The following MBP variants were observed in gnomAD, a reference collection of about 807,000 sequenced individuals.
MBP encodes the protein Golli-MBP.
In MBP, 16 loss-of-function variants were observed where a neutral mutation model predicts 35.8. The ratio of observed to expected loss-of-function variants is 0.45; its 90% CI spans 0.30 to 0.68. The LOEUF is 0.68. MBP is among the 30% of genes least tolerant of loss of function. The pLI is 0.08. For synonymous variants in MBP, 143 were observed against 159.6 expected, an observed-to-expected ratio of 0.90 and a Z score of 0.78; for missense variants, 380 against 404.7, an observed-to-expected ratio of 0.94 and a Z score of 0.52.
At chr18:77,100,833 G>A (rs185945878) in intron 2 of MBP, among the ~76,000 whole-genome samples, 2 of 152,194 alleles carry the variant, frequency 1.3e-5, no homozygotes, top group Admixed American at 1.3e-4. Context: ...GATTCCAGGT[G>A]TGGGCCACCG....
At chr18:76,984,716 T>A (rs1969435200) in intron 8 of MBP, 59 bp downstream of exon 8, 1 of 1,611,446 alleles carries the variant, frequency 6.2e-7, no homozygotes, top group African/African-American at 1.3e-5. Flanking sequence ...CTCAGCTTAG[T>A]TGGGGATTCT....
chr18:77,014,967 T>C (rs915311571), intron 4 of MBP: 2 of 984,866 alleles, frequency 2.0e-6, no homozygotes, highest in Middle Eastern at 5.2e-4. Context: ...TTGATTTTTA[T>C]GGGTCCTTGA....
In MBP at chr18:77,091,173, T is replaced by C. The variant is rs373556829; in HGVS notation, c.51+14038A>G. 5.6e-4 allele frequency among the ~76,000 whole-genome samples: 77 copies of C among 136,804 alleles called. 1 individual carries two copies. In the South Asian group the frequency reaches 0.017, roughly 30 times the overall value. 89.7% of individuals were successfully genotyped at this position (136,804 alleles called of 152,430 possible). A position where few individuals can be genotyped will look rare whatever the true frequency, so the allele number is the denominator to read the frequency against. Reference sequence around the variant, plus strand: ...GCAATTATGAGATCATACAGTGAGGTTGCACACACAGCTAACAATGATCTA... The same window carrying C: ...GCAATTATGAGATCATACAGTGAGGCTGCACACACAGCTAACAATGATCTA... On this transcript the variant is annotated intron_variant, in intron 2 of 8. Transcript: ENST00000355994.
At chr18:76,996,624 G>A (rs116099997) in intron 4 of MBP, among the ~76,000 whole-genome samples, 1 of 152,114 alleles carries the variant, frequency 6.6e-6, no homozygotes, top group African/African-American at 2.4e-5. Context: ...CATTCTAAAA[G>A]GTTTCATACT....
intron 3 of MBP, among the ~76,000 whole-genome samples, chr18:77,045,603 G>C (rs1973219318): frequency 6.6e-6 from 1 of 152,226 alleles, no homozygotes; most frequent in South Asian, 2.1e-4. Flanking sequence ...GAAAACCCTC[G>C]AGGTTAGATT....
intron 4 of MBP, among the ~76,000 whole-genome samples, chr18:76,993,103 G>A (rs1273758204): frequency 3.3e-5 from 5 of 152,346 alleles, no homozygotes; most frequent in South Asian, 2.1e-4. Flanking sequence ...ACAGCAGGGC[G>A]TAACCATGAG....
In MBP at chr18:77,015,969, T is replaced by C. The variant is rs1019068591; in HGVS notation, c.576+863A>G. On this transcript the variant is annotated intron_variant, in intron 4 of 8. Coordinates refer to ENST00000355994, the MANE Select transcript of MBP (RefSeq NM_001025101.2). ...AACACCCAATAAACTAGGGACTTTT[T>C]TGGGAAAAACTTCTTTCTCTCCAAA... 13 of 985,302 alleles carry C rather than the reference T, an allele frequency of 1.3e-5. No individual in the cohort carries two copies. In the Admixed American group the frequency reaches 6.1e-4, roughly 47 times the overall value. The allele number at this position is 985,302 out of a possible 1,614,324, so 61.0% of individuals were successfully genotyped here. A position where few individuals can be genotyped will look rare whatever the true frequency, so the allele number is the denominator to read the frequency against.
At position 76,984,756 on chromosome 18, in the gene MBP, T is replaced by G; in HGVS notation, c.870+19A>C. 2 of 1,613,808 alleles carry G rather than the reference T, an allele frequency of 1.2e-6. No individual in the cohort carries two copies. The highest frequency in any genetic ancestry group is 1.7e-6 in the Non-Finnish European group (2 of 1,179,982). On this transcript the variant is annotated intron_variant, in intron 8 of 8. Transcript: ENST00000355994. Reference sequence around the variant, plus strand: ...GCCCTTAGTCCCCGCTCAGTGGAGCTGAGCAGAGGGTACCTTACCAGCTTA... The same window carrying G: ...GCCCTTAGTCCCCGCTCAGTGGAGCGGAGCAGAGGGTACCTTACCAGCTTA...
At chr18:76,993,528 C>T (rs938200949) in intron 4 of MBP, among the ~76,000 whole-genome samples, 17 of 140,848 alleles carry the variant, frequency 1.2e-4, no homozygotes, top group East Asian at 8.4e-4. Flanking sequence ...TCAGCCTGGG[C>T]GACAGAGCGA....
chr18:77,056,911 T>C (rs527275243), intron 3 of MBP, among the ~76,000 whole-genome samples: 10 of 152,180 alleles, frequency 6.6e-5, no homozygotes, highest in African/African-American at 2.4e-4. Context: ...CAGGAGAGGC[T>C]GCCGAGGAGA....
At chr18:77,017,320 G>C (rs1901277123) in intron 3 of MBP, 52 bp from the exon 4 acceptor site, 1 of 1,453,550 alleles carries the variant, frequency 6.9e-7, no homozygotes, top group Non-Finnish European at 9.1e-7. Context: ...CTGAGCACCG[G>C]ACAAAGCAGC....
chr18:77,104,257 C>T (rs894709548), intron 2 of MBP, among the ~76,000 whole-genome samples: 2 of 152,186 alleles, frequency 1.3e-5, no homozygotes, highest in Non-Finnish European at 2.9e-5. Flanking sequence ...GGAACCTTGG[C>T]TGTAGAGCCC....
intron 4 of MBP, among the ~76,000 whole-genome samples, chr18:77,010,281 C>A (rs933496952): frequency 3.9e-5 from 6 of 152,208 alleles, no homozygotes; most frequent in African/African-American, 1.4e-4. Context: ...GCAGCAGGCA[C>A]CAGCTGTGAA....
At chr18:77,094,196 G>A (rs1283555199) in intron 2 of MBP, among the ~76,000 whole-genome samples, 1 of 152,152 alleles carries the variant, frequency 6.6e-6, no homozygotes, top group Non-Finnish European at 1.5e-5. Flanking sequence ...GGCTGGTCTT[G>A]AACTCCTGAC....
At chr18:77,113,027 C>T (rs1439854467) in intron 1 of MBP, 1 of 152,058 alleles carries the variant, frequency 6.6e-6, no homozygotes, top group Non-Finnish European at 1.5e-5. Context: ...GCCACCTCCG[C>T]CTCCCGGGTT....
intron 4 of MBP, among the ~76,000 whole-genome samples, chr18:76,994,135 A>T (rs1970135160): frequency 6.6e-6 from 1 of 152,260 alleles, no homozygotes; most frequent in South Asian, 2.1e-4. Flanking sequence ...AAGAGACGGG[A>T]AACTCTTTAA....
chr18:77,021,168 C>T (rs544337755), intron 3 of MBP, among the ~76,000 whole-genome samples: 8 of 152,272 alleles, frequency 5.3e-5, no homozygotes, highest in East Asian at 3.9e-4. Context: ...GAAGATTCTA[C>T]GTCTCTTGGC....
At chr18:77,078,817 C>T (rs1434555361) in intron 2 of MBP, among the ~76,000 whole-genome samples, 2 of 152,222 alleles carry the variant, frequency 1.3e-5, no homozygotes, top group Non-Finnish European at 2.9e-5. Context: ...TGGACTCCAC[C>T]AATGAGGATG....
intron 1 of MBP, chr18:77,109,360 T>G (rs757309645): frequency 9.9e-5 from 15 of 152,140 alleles, no homozygotes; most frequent in Non-Finnish European, 1.6e-4. Flanking sequence ...ACAGGGGAAA[T>G]GCAACTGCTG....
Sources: allele counts gnomAD v4.1 joint callset (sites outside exome capture counted in the v4.1 genomes callset), GRCh38; gene constraint gnomAD v4.1.1; transcripts MANE v1.5; gene names NCBI Gene and HGNC (gene_info 2026-07-23, HGNC 2026-07-21).